Variants in CNTNAP2 observed in about 807,000 individuals in gnomAD.
CNTNAP2 encodes the protein contactin-associated protein-like 2.
In CNTNAP2, 98 loss-of-function variants were observed where a neutral mutation model predicts 155.2. That is an observed-to-expected ratio of 0.63 (90% CI 0.54 to 0.75). The LOEUF (loss-of-function observed/expected upper bound fraction) is 0.75. Among genes scored for constraint, CNTNAP2 ranks in the 30% least tolerant of loss-of-function variants. CNTNAP2 has a pLI of 0.00. For synonymous variants in CNTNAP2, 651 were observed against 631.2 expected (o/e 1.03, Z -0.47); for missense variants, 1,727 against 1,688.1 (o/e 1.02, Z -0.40).
chr7:147,055,345 C>T (rs551665131), intron 4 of CNTNAP2, among the ~76,000 whole-genome samples: 2 of 152,300 alleles, frequency 1.3e-5, no homozygotes, highest in Admixed American at 6.5e-5. Flanking sequence ...AACTGCATAG[C>T]TTATTAAGGA....
At chr7:146,982,129 G>T (rs892897556) in intron 3 of CNTNAP2, among the ~76,000 whole-genome samples, 1 of 152,054 alleles carries the variant, frequency 6.6e-6, no homozygotes, top group African/African-American at 2.4e-5. Context: ...GCAAAAACAG[G>T]TGGTGGGCTG....
At position 146,884,241 on chromosome 7, in the gene CNTNAP2, C is replaced by T. The variant is rs74991850; in HGVS notation, c.402+44337C>T. 3.8e-3 allele frequency among the ~76,000 whole-genome samples: 575 copies of T among 152,124 alleles called. 2 individuals carry two copies. Among genetic ancestry groups the T allele is most frequent in the African/African-American group, 0.014 (561 of 41,520 alleles). On this transcript the variant is annotated intron_variant, in intron 3 of 23. Transcript: ENST00000361727. ...ATCCAGAAAATACTGTATTTTTGAT[C>T]CCCACGTTTGGTTGAAAAAAATTTG...
At chr7:147,534,802 G>A (rs549130457) in intron 11 of CNTNAP2, among the ~76,000 whole-genome samples, 2 of 152,124 alleles carry the variant, frequency 1.3e-5, no homozygotes, top group Non-Finnish European at 2.9e-5. Context: ...CTATCCACTC[G>A]TTGAAATTTA....
chr7:146,855,803 A>C (rs1279201567), intron 3 of CNTNAP2, among the ~76,000 whole-genome samples: 1 of 108,824 alleles, frequency 9.2e-6, no homozygotes, highest in African/African-American at 3.3e-5. Flanking sequence ...GTGTGTGTTA[A>C]TGAGTATATA....
At chr7:147,265,740 T>C (rs1804592741) in intron 8 of CNTNAP2, among the ~76,000 whole-genome samples, 1 of 152,052 alleles carries the variant, frequency 6.6e-6, no homozygotes, top group South Asian at 2.1e-4. Context: ...CCAGACACCT[T>C]ATCCAGGAGC....
chr7:148,214,044 C>A (rs1795594987), intron 18 of CNTNAP2, among the ~76,000 whole-genome samples: 1 of 152,240 alleles, frequency 6.6e-6, no homozygotes, highest in Non-Finnish European at 1.5e-5. Flanking sequence ...CGCCACCTAC[C>A]TGTACTTGGC....
chr7:147,167,138 T>A (rs913395690), intron 8 of CNTNAP2, among the ~76,000 whole-genome samples: 5 of 152,132 alleles, frequency 3.3e-5, no homozygotes, highest in Non-Finnish European at 5.9e-5. Context: ...TCTACATGAA[T>A]GGTTAATATC....
In CNTNAP2 at chr7:148,336,441, T is replaced by TA. The variant is rs1194207016; in HGVS notation, c.3476-47208_3476-47207insA. On this transcript the variant is annotated intron_variant, in intron 21 of 23. Transcript: ENST00000361727. ...AATCAGTAGCAGTGGTGATGGTCTT[T>TA]TAAAAAAAAAAAGTTTCGGTTGCTT... Among the ~76,000 whole-genome samples the TA allele has an allele frequency of 1.2e-3, 8 of 6,446 alleles. No homozygotes were observed. In the South Asian group the frequency reaches 0.041, roughly 33 times the overall value. The allele number at this position is 6,446 out of a possible 152,430, so 4.2% of individuals were successfully genotyped here. A position where few individuals can be genotyped will look rare whatever the true frequency, so the allele number is the denominator to read the frequency against.
At chr7:148,124,395 A>G (rs1216760201) in intron 16 of CNTNAP2, among the ~76,000 whole-genome samples, 2 of 152,182 alleles carry the variant, frequency 1.3e-5, no homozygotes, top group Non-Finnish European at 1.5e-5. Context: ...GGATCTGTCC[A>G]TGTATTTTTT....
intron 14 of CNTNAP2, among the ~76,000 whole-genome samples, chr7:147,946,725 A>AT (rs775527837): frequency 5.3e-5 from 8 of 152,114 alleles, no homozygotes; most frequent in Non-Finnish European, 8.8e-5. Context: ...CCACAGTGGG[A>AT]TATTCTCAGT....
intron 1 of CNTNAP2, among the ~76,000 whole-genome samples, chr7:146,649,426 G>A (rs1365517643): frequency 6.6e-6 from 1 of 152,124 alleles, no homozygotes; most frequent in Non-Finnish European, 1.5e-5. Flanking sequence ...GTAAGTTCAT[G>A]ATAAATGCTA....
chr7:146,232,652 A>G (rs1799404947), intron 1 of CNTNAP2, among the ~76,000 whole-genome samples: 1 of 152,120 alleles, frequency 6.6e-6, no homozygotes, highest in African/African-American at 2.4e-5. Context: ...CAAGGTATAG[A>G]CTTGTTTGAA....
chr7:148,057,642 A>G (rs939244797), intron 15 of CNTNAP2, among the ~76,000 whole-genome samples: 2 of 152,174 alleles, frequency 1.3e-5, no homozygotes, highest in Non-Finnish European at 2.9e-5. Context: ...AATAGAGAAG[A>G]AAGACTGTGG....
intron 8 of CNTNAP2, among the ~76,000 whole-genome samples, chr7:147,145,218 G>A (rs1308974894): frequency 6.6e-6 from 1 of 152,128 alleles, no homozygotes. Context: ...ATGCAGGCAA[G>A]TAAGGAGAAG....
chr7:148,071,564 G>T (rs1443295953), intron 15 of CNTNAP2, among the ~76,000 whole-genome samples: 3 of 152,160 alleles, frequency 2.0e-5, no homozygotes, highest in Admixed American at 6.5e-5. Flanking sequence ...ATGTCTTGAG[G>T]AAGGTGCGAA....
chr7:147,250,714 G>A (rs933321111), intron 8 of CNTNAP2, among the ~76,000 whole-genome samples: 37 of 152,062 alleles, frequency 2.4e-4, no homozygotes, highest in African/African-American at 8.7e-4. Context: ...ACACATCTGG[G>A]TGTTTCACAA....
At chr7:146,605,537 A>G (rs1799032469) in intron 1 of CNTNAP2, among the ~76,000 whole-genome samples, 1 of 143,854 alleles carries the variant, frequency 7.0e-6, no homozygotes. Context: ...CTAATGAACT[A>G]CAGATATTCA....
rs1424661085 is a variant in CNTNAP2, at chr7:148,165,834, C to T, written c.2774-6408C>T. ...TTGGGATTAACCTGCAGGCAAGAAG[C>T]ACGTCCTCATCATCATTTTACAAAT... is the stretch of plus-strand genomic sequence containing the variant. On this transcript the variant is annotated intron_variant, in intron 17 of 23. Transcript: ENST00000361727. Among the ~76,000 whole-genome samples the T allele has an allele frequency of 2.0e-5, 3 of 152,170 alleles. No individual in the cohort carries two copies. The East Asian group carries it at 5.8e-4, about 29-fold the overall frequency.
At chr7:147,844,858 G>C (rs1276722083) in intron 13 of CNTNAP2, among the ~76,000 whole-genome samples, 2 of 109,154 alleles carry the variant, frequency 1.8e-5, no homozygotes, top group Non-Finnish European at 3.8e-5. Context: ...ATAATCATGT[G>C]GTTTTTGTCT....
Sources: gnomAD v4.1 joint callset for allele counts (sites outside exome capture counted in the v4.1 genomes callset) on GRCh38, gnomAD v4.1.1 for gene constraint, MANE v1.5 for transcripts, NCBI Gene and HGNC (gene_info 2026-07-23, HGNC 2026-07-21) for gene names.